Variants in GNG4 observed in about 807,000 individuals in gnomAD.
GNG4 encodes the protein guanine nucleotide-binding protein G(I)/G(S)/G(O) subunit gamma-4.
Under a neutral mutation model 5.8 loss-of-function variants are expected in GNG4, and 4 were observed. The observed-to-expected ratio is 0.69, with a 90% CI of 0.34 to 1.57. The LOEUF is 1.57. GNG4 is among the 40% of genes most tolerant of loss of function. The pLI, the probability that GNG4 is intolerant of heterozygous loss-of-function variation, is 0.06. For missense variants in GNG4, 96 were observed against 95.1 expected (o/e 1.01, Z -0.04); for synonymous variants, 29 against 32.9 (o/e 0.88, Z 0.41).
At chr1:235,593,505 G>A (rs1688036377) in intron 2 of GNG4, among the ~76,000 whole-genome samples, 1 of 152,218 alleles carries the variant, frequency 6.6e-6, no homozygotes, top group African/African-American at 2.4e-5. Flanking sequence ...TCCGGACAAT[G>A]CCCAAAAGAC....
intron 1 of GNG4, among the ~76,000 whole-genome samples, chr1:235,645,245 C>A (rs192863390): frequency 3.9e-5 from 6 of 152,172 alleles, no homozygotes; most frequent in Admixed American, 3.9e-4. Flanking sequence ...GGAGAAGAAC[C>A]TGCTCTCAGC....
intron 3 of GNG4, among the ~76,000 whole-genome samples, chr1:235,567,408 A>G (rs886669888): frequency 5.3e-5 from 8 of 152,158 alleles, no homozygotes; most frequent in Admixed American, 5.2e-4. Flanking sequence ...AACTATCAGT[A>G]CCATCCGTCT....
chr1:235,572,110 A>T (rs1687358637), intron 3 of GNG4, among the ~76,000 whole-genome samples: 1 of 152,252 alleles, frequency 6.6e-6, no homozygotes, highest in Non-Finnish European at 1.5e-5. Flanking sequence ...TGCTAGGATT[A>T]CAGAAATGTG....
rs1204906131 is a variant in GNG4, at chr1:235,597,566, G to GT, written c.-122-2056dup. On this transcript the variant is annotated intron_variant, in intron 1 of 3. Coordinates refer to ENST00000391854, the MANE Select transcript of GNG4 (RefSeq NM_001098722.2). ...CCAGGAATGCTTTATGTTTTAGTTT[G>GT]TTTTTTTTTTTAACTTGTTTGCTGT... Among the ~76,000 whole-genome samples, 159 of 47,546 alleles carry GT rather than the reference G, an allele frequency of 3.3e-3. 1 individual carries two copies. Among genetic ancestry groups the GT allele is most frequent in the East Asian group, 0.017 (40 of 2,292 alleles). The allele number at this position is 47,546 out of a possible 152,430, so 31.2% of individuals were successfully genotyped here.
rs1452897206 is a variant in GNG4 at position 235,551,620 on chromosome 1, ATGGAAATG to A, written c.*481_*488del. 2 of 152,916 alleles carry A rather than the reference ATGGAAATG, an allele frequency of 1.3e-5. No homozygotes were observed. The highest frequency in any genetic ancestry group is 4.8e-5 in the African/African-American group (2 of 41,462). The allele number at this position is 152,916 out of a possible 1,614,324, so 9.5% of individuals were successfully genotyped here. A position where few individuals can be genotyped will look rare whatever the true frequency, so the allele number is the denominator to read the frequency against. ...GGGTTGTTGTCTTTTTACTAGGATG[ATGGAAATG>A]CAGGAAATACAGAACCTCTGCAGCT... On this transcript the variant is annotated 3_prime_UTR_variant, in exon 4 of 4. Transcript: ENST00000391854.
At chr1:235,572,484 G>A (rs1687370000) in intron 3 of GNG4, among the ~76,000 whole-genome samples, 1 of 147,714 alleles carries the variant, frequency 6.8e-6, no homozygotes, top group Non-Finnish European at 1.5e-5. Flanking sequence ...ACAGGCATGA[G>A]CCACCGTGCT....
chr1:235,634,355 A>G (rs1008073000), intron 1 of GNG4, among the ~76,000 whole-genome samples: 2 of 152,196 alleles, frequency 1.3e-5, no homozygotes, highest in Non-Finnish European at 2.9e-5. Context: ...TGACTGGAGG[A>G]GACAAAGGCT....
intron 2 of GNG4, among the ~76,000 whole-genome samples, chr1:235,588,360 CCCCCAGCGGGGGCTGTGCTCTCCGA>C (rs1558487046): frequency 6.6e-6 from 1 of 152,076 alleles, no homozygotes; most frequent in Non-Finnish European, 1.5e-5. Flanking sequence ...CTGGACCTGG[CCCCCAGCGGGGGCTGTGCTCTCCGA>C]CCCCAGCTTC....
chr1:235,643,213 AC>A (rs1184853393), intron 1 of GNG4, among the ~76,000 whole-genome samples: 1 of 150,978 alleles, frequency 6.6e-6, no homozygotes, highest in Non-Finnish European at 1.5e-5. Context: ...TCACCTTCAC[AC>A]CCCGGCTCTG....
chr1:235,613,388 GGGGGTT>G (rs1688524109), intron 1 of GNG4, among the ~76,000 whole-genome samples: 1 of 152,200 alleles, frequency 6.6e-6, no homozygotes, highest in African/African-American at 2.4e-5. Flanking sequence ...ACATGATAAT[GGGGGTT>G]TTAGGTTGCA....
intron 3 of GNG4, among the ~76,000 whole-genome samples, chr1:235,574,008 C>A (rs1015037067): frequency 1.3e-5 from 2 of 151,974 alleles, no homozygotes; most frequent in African/African-American, 4.8e-5. Context: ...AAATGTAAAA[C>A]AAATATAGAT....
intron 2 of GNG4, among the ~76,000 whole-genome samples, chr1:235,590,441 T>A (rs577583271): frequency 1.7e-4 from 26 of 150,798 alleles, no homozygotes; most frequent in African/African-American, 6.1e-4. Context: ...GGTGACAGAG[T>A]GAGACTGTCT....
intron 2 of GNG4, among the ~76,000 whole-genome samples, chr1:235,593,913 G>A (rs920776723): frequency 4.6e-5 from 7 of 152,294 alleles, no homozygotes; most frequent in African/African-American, 9.6e-5. Flanking sequence ...AGCCTGCACA[G>A]CGTGCATGGG....
intron 3 of GNG4, among the ~76,000 whole-genome samples, chr1:235,555,645 C>T (rs1686881066): frequency 7.1e-6 from 1 of 140,750 alleles, no homozygotes; most frequent in Non-Finnish European, 1.5e-5. Flanking sequence ...CACCACTGCA[C>T]ACCAGCCTGG....
intron 1 of GNG4, among the ~76,000 whole-genome samples, chr1:235,636,171 T>G (rs1387089997): frequency 1.3e-5 from 2 of 152,216 alleles, no homozygotes; most frequent in Non-Finnish European, 2.9e-5. Context: ...TTCACCGTGC[T>G]TCCTCATACC....
rs1372305965 is a variant in GNG4, at chr1:235,587,047, C to T, written c.-10-3199G>A. 7.3e-5 allele frequency among the ~76,000 whole-genome samples: 11 copies of T among 151,664 alleles called. No individual in the cohort carries two copies. The East Asian group carries it at 2.0e-3, about 27-fold the overall frequency. On this transcript the variant is annotated intron_variant, in intron 2 of 3. Coordinates refer to ENST00000391854, the MANE Select transcript of GNG4 (RefSeq NM_001098722.2). ...AGGAGGAGGTAGAGTTTGGGATCAG[C>T]AGGGGTGAAGCCAAGAGGACATGGA...
chr1:235,633,533 G>A (rs1233657663), intron 1 of GNG4, among the ~76,000 whole-genome samples: 1 of 152,114 alleles, frequency 6.6e-6, no homozygotes, highest in Admixed American at 6.5e-5. Flanking sequence ...TGTTGCCCAC[G>A]CTGGAGTGCA....
Position 235,552,162 on chromosome 1 carries a change from G to A in GNG4, c.175C>T (p.Pro59Ser), listed in dbSNP as rs1243425382. 6.2e-7 allele frequency: 1 copy of A among 1,613,710 alleles called. No homozygotes were observed. Among genetic ancestry groups the A allele is most frequent in the Non-Finnish European group, 8.5e-7 (1 of 1,179,614 alleles). ...VREDPLIIPVPASENPFREKK... is the reference protein window; with the variant it reads ...VREDPLIIPVSASENPFREKK... ...TCGCGAAAGGGGTTTTCTGATGCAGGCACTGGAATGATGAGAGGATCTTCC... is the reference window on the plus strand; with the variant it reads ...TCGCGAAAGGGGTTTTCTGATGCAGACACTGGAATGATGAGAGGATCTTCC... Residue 59 changes from proline (P) to serine (S), a missense_variant, in exon 4 of 4, where the codon CCT (proline) becomes TCT (serine). Coordinates refer to ENST00000391854, the MANE Select transcript of GNG4 (RefSeq NM_001098722.2).
At chr1:235,557,786 C>T (rs867455548) in intron 3 of GNG4, among the ~76,000 whole-genome samples, 1 of 152,144 alleles carries the variant, frequency 6.6e-6, no homozygotes, top group Non-Finnish European at 1.5e-5. Flanking sequence ...GTCGGGGCTT[C>T]GGGGGACAGC....
Sources: allele counts gnomAD v4.1 joint callset (sites outside exome capture counted in the v4.1 genomes callset), GRCh38; gene constraint gnomAD v4.1.1; transcripts MANE v1.5; gene names NCBI Gene and HGNC (gene_info 2026-07-23, HGNC 2026-07-21).